Variants in ZNF215 observed in about 807,000 individuals in gnomAD.
The protein encoded by ZNF215 is BWSCR2-associated zinc finger protein 2.
ZNF215 carries 24 observed loss-of-function variants against 27.2 expected under a neutral mutation model. The observed-to-expected ratio is 0.88, with a 90% CI of 0.64 to 1.24. The LOEUF is 1.24. Ranked by LOEUF, ZNF215 falls within the 50% of genes most tolerant of loss-of-function variation. The pLI is 0.00. For missense variants in ZNF215, 675 were observed against 605.7 expected, an observed-to-expected ratio of 1.11 and a Z score of -1.20; for synonymous variants, 210 against 204.0, an observed-to-expected ratio of 1.03 and a Z score of -0.25.
At chr11:6,948,856 G>A (rs1385647536) in intron 6 of ZNF215, among the ~76,000 whole-genome samples, 3 of 150,392 alleles carry the variant, frequency 2.0e-5, no homozygotes, top group Non-Finnish European at 4.4e-5. Context: ...CCATTAACTC[G>A]TCATTTAGCA....
At chr11:6,967,960 T>C (rs1224530355) in intron 5 of ZNF215, among the ~76,000 whole-genome samples, 1 of 152,248 alleles carries the variant, frequency 6.6e-6, no homozygotes, top group African/African-American at 2.4e-5. Context: ...TTAATTTTTG[T>C]ATAAGGTGTA....
chr11:6,955,854 A>T lies in ZNF215; in HGVS notation c.877A>T (p.Thr293Ser). Residue 293 changes from threonine (T) to serine (S), a missense_variant, in exon 7 of 7, where the codon ACA (threonine) becomes TCA (serine). Coordinates refer to ENST00000278319, the MANE Select transcript of ZNF215 (RefSeq NM_013250.4). ...NLPQEAFIPE[T>S]IYTEEEDFEC... is the part of the protein sequence containing the mutation. ...GCCACAAGAGGCTTTCATTCCTGAG[A>T]CAATTTACACTGAGGAGGAAGATTT... The T allele has an allele frequency of 1.2e-6, 2 of 1,612,386 alleles. No individual in the cohort carries two copies. The highest frequency in any genetic ancestry group is 1.7e-6 in the Non-Finnish European group (2 of 1,179,620).
intron 6 of ZNF215, among the ~76,000 whole-genome samples, chr11:6,954,257 C>G (rs1157283557): frequency 1.3e-5 from 2 of 152,226 alleles, no homozygotes; most frequent in Non-Finnish European, 2.9e-5. Flanking sequence ...AACCACCGCT[C>G]TCTTCAAAGC....
At chr11:6,970,747 A>T (rs1850702885) in intron 5 of ZNF215, among the ~76,000 whole-genome samples, 1 of 152,056 alleles carries the variant, frequency 6.6e-6, no homozygotes, top group South Asian at 2.1e-4. Context: ...TCTCTATCTC[A>T]CCTGTGTCAG....
At chr11:6,979,032 C>T (rs1850890676) in intron 5 of ZNF215, among the ~76,000 whole-genome samples, 1 of 151,972 alleles carries the variant, frequency 6.6e-6, no homozygotes, top group Non-Finnish European at 1.5e-5. Context: ...TCCCCCATTG[C>T]CTAAATTTTA....
At chr11:6,986,705 C>T (rs1480180160), downstream of ZNF215, among the ~76,000 whole-genome samples, 16 of 152,102 alleles carry the variant, frequency 1.1e-4, no homozygotes, top group Non-Finnish European at 7.4e-5. Flanking sequence ...CATGAACAGA[C>T]ACTTTTCAAA....
At position 6,943,969 on chromosome 11, in the gene ZNF215, G is replaced by T. The variant is rs548733579; in HGVS notation, c.712+328G>T. 3.4e-4 allele frequency among the ~76,000 whole-genome samples: 52 copies of T among 152,262 alleles called. 1 individual carries two copies. Among genetic ancestry groups the T allele is most frequent in the African/African-American group, 1.2e-3 (49 of 41,544 alleles). ...AGGACTAAATGAGTTGGTGTGCCTAGTACACTTAGAATAGTGCATGGTATG... is the reference window on the plus strand; with the variant it reads ...AGGACTAAATGAGTTGGTGTGCCTATTACACTTAGAATAGTGCATGGTATG... On this transcript the variant is annotated intron_variant, in intron 6 of 6. Transcript: ENST00000278319.
rs542841960 is a variant in ZNF215 at position 6,983,105 on chromosome 11, T to C, written c.806-1024T>C. Among the ~76,000 whole-genome samples, 5 of 152,158 alleles carry C rather than the reference T, an allele frequency of 3.3e-5. No individual in the cohort carries two copies. In the South Asian group the frequency reaches 1.0e-3, roughly 32 times the overall value. On this transcript the variant is annotated intron_variant, in intron 5 of 5. Transcript: ENST00000529903. ...CCACCGATTCCACAGAAATACAAAC[T>C]ACCATCAGAGAATACTACAAACACC... is the stretch of plus-strand genomic sequence containing the variant.
chr11:6,937,755 T>G (rs767744569), intron 3 of ZNF215, among the ~76,000 whole-genome samples: 5 of 151,908 alleles, frequency 3.3e-5, no homozygotes, highest in Non-Finnish European at 7.4e-5. Flanking sequence ...GAGAAAATAA[T>G]AGTTTTTCAA....
At chr11:6,930,114 T>A (rs1849198529) in intron 2 of ZNF215, among the ~76,000 whole-genome samples, 1 of 147,170 alleles carries the variant, frequency 6.8e-6, no homozygotes, top group African/African-American at 2.5e-5. Flanking sequence ...TTTTTTTTAA[T>A]TTTTTGAGCA....
rs1240285691 is a variant in ZNF215 at position 6,932,098 on chromosome 11, T to C, written c.-175T>C. On this transcript the variant is annotated 5_prime_UTR_variant, in exon 3 of 7. Transcript: ENST00000278319. ...TTAATTTCTATCTTTTTTCAGTTGC[T>C]CAGGTACCTGAATATTGGCTTTGTG... 1.5e-6 allele frequency: 1 copy of C among 654,136 alleles called. No individual in the cohort carries two copies. Among genetic ancestry groups the C allele is most frequent in the Non-Finnish European group, 2.5e-6 (1 of 408,098 alleles). 40.5% of individuals were successfully genotyped at this position (654,136 alleles called of 1,614,324 possible). A position where few individuals can be genotyped will look rare whatever the true frequency, so the allele number is the denominator to read the frequency against.
chr11:6,957,257 G>C lies in ZNF215; in HGVS notation c.*726G>C. The stretch of plus-strand genomic sequence containing the variant: ...TTGATGAGAAAAATATCGATTCCCA[G>C]CCAGGGACACTGTGTGGAGTTCGCA... On this transcript the variant is annotated 3_prime_UTR_variant, in exon 7 of 7. Transcript: ENST00000278319. The C allele has an allele frequency of 2.2e-6, 2 of 923,644 alleles. No homozygotes were observed. Among genetic ancestry groups the C allele is most frequent in the South Asian group, 1.0e-4 (2 of 19,912 alleles). The allele number at this position is 923,644 out of a possible 1,614,324, so 57.2% of individuals were successfully genotyped here.
chr11:6,943,327 G>T (rs900405969), intron 5 of ZNF215, 112 bp downstream of exon 5: 32 of 1,462,172 alleles, frequency 2.2e-5, no homozygotes, highest in Non-Finnish European at 2.9e-5. Context: ...GTTGAGGTTT[G>T]CTAATATCCT....
At chr11:6,933,439 A>G (rs1849330429) in intron 3 of ZNF215, among the ~76,000 whole-genome samples, 1 of 152,230 alleles carries the variant, frequency 6.6e-6, no homozygotes, top group African/African-American at 2.4e-5. Context: ...GGAAGCTTAT[A>G]TGTATGAACA....
At chr11:6,961,875 A>G (rs1361167728), downstream of ZNF215, among the ~76,000 whole-genome samples, 1 of 152,102 alleles carries the variant, frequency 6.6e-6, no homozygotes, top group Non-Finnish European at 1.5e-5. Flanking sequence ...TGATAATCTG[A>G]GAAATCTTGA....
chr11:6,947,040 T>C (rs1259369859), intron 6 of ZNF215, among the ~76,000 whole-genome samples: 5 of 152,252 alleles, frequency 3.3e-5, no homozygotes, highest in Admixed American at 6.5e-5. Context: ...GTTTTGTTTT[T>C]TACTTTTATT....
chr11:6,932,447 G>C lies in ZNF215; in HGVS notation c.175G>C (p.Val59Leu). Reference sequence around the variant, plus strand: ...GTTCAGACATTTCCAGTATTTGAAAGTGTCTGGGCCCCATGAAGCCCTGAG... The same window carrying C: ...GTTCAGACATTTCCAGTATTTGAAACTGTCTGGGCCCCATGAAGCCCTGAG... ...QKFRHFQYLK[V>L]SGPHEALSQL... Residue 59 changes from valine to leucine, a missense_variant, in exon 3 of 7, where the codon GTG becomes CTG. Transcript: ENST00000278319. 2.5e-6 allele frequency: 4 copies of C among 1,614,200 alleles called. No individual in the cohort carries two copies. The highest frequency in any genetic ancestry group is 3.4e-6 in the Non-Finnish European group (4 of 1,180,024).
intron 6 of ZNF215, among the ~76,000 whole-genome samples, chr11:6,946,515 C>T (rs1006045311): frequency 6.6e-6 from 1 of 152,160 alleles, no homozygotes; most frequent in African/African-American, 2.4e-5. Flanking sequence ...TCTAAGGGAA[C>T]GCATTCTGGT....
chr11:6,975,684 T>C (rs1850819700), intron 5 of ZNF215, among the ~76,000 whole-genome samples: 1 of 152,080 alleles, frequency 6.6e-6, no homozygotes, highest in Non-Finnish European at 1.5e-5. Context: ...TGGATCTCAT[T>C]CTTTTTTATG....
Sources: gnomAD v4.1 joint callset for allele counts (sites outside exome capture counted in the v4.1 genomes callset) on GRCh38, gnomAD v4.1.1 for gene constraint, MANE v1.5 for transcripts, NCBI Gene and HGNC (gene_info 2026-07-23, HGNC 2026-07-21) for gene names.